The following MEGF6 variants were observed in gnomAD, a reference collection of about 807,000 sequenced individuals.
The protein encoded by MEGF6 is multiple EGF like domains 6.
MEGF6 carries 184 observed loss-of-function variants against 207.1 expected under a neutral mutation model. The ratio of observed to expected loss-of-function variants is 0.89; its 90% confidence interval spans 0.79 to 1.00. The LOEUF (loss-of-function observed/expected upper bound fraction) is 1.00. Among genes scored for constraint, MEGF6 ranks in the 50% least tolerant of loss-of-function variants. The probability of loss-of-function intolerance (pLI) is 0.00; values close to 1 mark genes in which losing one functional copy is unlikely to be tolerated. For missense variants in MEGF6, 2,282 were observed against 2,202.9 expected, an observed-to-expected ratio of 1.04 and a Z score of -0.72; for synonymous variants, 1,038 against 910.0, an observed-to-expected ratio of 1.14 and a Z score of -2.53.
chr1:3,591,679 C>T (rs1490088345), intron 3 of MEGF6, among the ~76,000 whole-genome samples: 6 of 148,812 alleles, frequency 4.0e-5, no homozygotes, highest in Admixed American at 2.0e-4. Flanking sequence ...GGGGCGCCAG[C>T]GAGGCAGCTG....
intron 26 of MEGF6, among the ~76,000 whole-genome samples, chr1:3,497,975 C>T (rs1370456815): frequency 6.6e-6 from 1 of 152,146 alleles, no homozygotes; most frequent in Non-Finnish European, 1.5e-5. Flanking sequence ...TGGACCAGGC[C>T]CTGCCGGCAC....
chr1:3,491,041 C>A, intron 35 of MEGF6, 82 bp from the exon 36 acceptor site: 1 of 1,362,444 alleles, frequency 7.3e-7, no homozygotes, highest in South Asian at 1.5e-5. Flanking sequence ...GTGACCCCAT[C>A]CAGGCCTTCA....
intron 4 of MEGF6, among the ~76,000 whole-genome samples, chr1:3,567,670 C>T (rs1643385524): frequency 6.6e-6 from 1 of 152,186 alleles, no homozygotes; most frequent in Non-Finnish European, 1.5e-5. Context: ...CCCTCGGTCC[C>T]TAGGAGCACC....
rs1263819143 is a variant in MEGF6, at chr1:3,594,627, G to T, written c.376+711C>A. ...GGACACTGACCCCTTTGCCCAGGCG[G>T]TTTCACTGGCGGGGCTTCTGTCCCC... On this transcript the variant is annotated intron_variant, in intron 3 of 36. Coordinates refer to ENST00000356575, the MANE Select transcript of MEGF6 (RefSeq NM_001409.4). The surrounding 1 kb of genome is among the most constrained non-coding windows in gnomAD (Gnocchi z 4.2). Among the ~76,000 whole-genome samples the T allele has an allele frequency of 6.6e-6, 1 of 152,096 alleles. No homozygotes were observed.
chr1:3,496,477 C>A lies in MEGF6; in HGVS notation c.3742+178G>T, dbSNP rs544709267. On this transcript the variant is annotated intron_variant, in intron 29 of 36. Transcript: ENST00000356575. Reference sequence around the variant, plus strand: ...TGGGACCTGGGGCCACATAGACACCCCCAGCGCTGCAGGTCCTTTCTGCCC... The same window carrying A: ...TGGGACCTGGGGCCACATAGACACCACCAGCGCTGCAGGTCCTTTCTGCCC... Among the ~76,000 whole-genome samples, 9 of 152,372 alleles carry A rather than the reference C, an allele frequency of 5.9e-5. No individual in the cohort carries two copies. In the South Asian group the frequency reaches 1.7e-3, roughly 28 times the overall value.
At position 3,564,478 on chromosome 1, in the gene MEGF6, C is replaced by T. The variant is rs568302408; in HGVS notation, c.481+15347G>A. On this transcript the variant is annotated intron_variant, in intron 4 of 36. Transcript: ENST00000356575. ...GTCTGGCCGGGGTGACCCTAATACT[C>T]GTGTTCCTTCCCTCACATCTACTGG... Among the ~76,000 whole-genome samples the T allele has an allele frequency of 1.6e-4, 24 of 152,132 alleles. No homozygotes were observed. The South Asian group carries it at 4.4e-3, about 28-fold the overall frequency.
At chr1:3,592,352 G>A (rs979303950) in intron 3 of MEGF6, among the ~76,000 whole-genome samples, 2 of 152,206 alleles carry the variant, frequency 1.3e-5, no homozygotes, top group South Asian at 2.1e-4. Context: ...CCTCTCTGAC[G>A]TTCCGGGCTC....
chr1:3,573,788 C>T lies in MEGF6; in HGVS notation c.481+6037G>A, dbSNP rs1427774248. Among the ~76,000 whole-genome samples, 3 of 152,190 alleles carry T rather than the reference C, an allele frequency of 2.0e-5. No individual in the cohort carries two copies. Among genetic ancestry groups the T allele is most frequent in the African/African-American group, 4.8e-5 (2 of 41,446 alleles). On this transcript the variant is annotated intron_variant, in intron 4 of 36. Transcript: ENST00000356575. The surrounding 1 kb of genome is among the most constrained non-coding windows in gnomAD (Gnocchi z 5.1). ...GGTCGCCAAGAGCAGCCCTGGGTGG[C>T]GTCTGGAGCTCGGGCGAGGGGTCAG...
intron 5 of MEGF6, among the ~76,000 whole-genome samples, chr1:3,521,683 C>T (rs950443453): frequency 6.6e-6 from 1 of 152,178 alleles, no homozygotes; most frequent in African/African-American, 2.4e-5. Flanking sequence ...CCGCTGGGCC[C>T]AGGCTGACAA....
chr1:3,563,432 C>T (rs1477629936), intron 4 of MEGF6, among the ~76,000 whole-genome samples: 1 of 152,158 alleles, frequency 6.6e-6, no homozygotes, highest in African/African-American at 2.4e-5. Context: ...GTCCCCTCGT[C>T]GTAGCTGGAG....
intron 2 of MEGF6, among the ~76,000 whole-genome samples, chr1:3,601,270 C>T (rs529072655): frequency 4.6e-5 from 7 of 152,250 alleles, no homozygotes; most frequent in African/African-American, 7.2e-5. Flanking sequence ...TCTTCCACCA[C>T]GAGCTGTTGG....
upstream of MEGF6, among the ~76,000 whole-genome samples, chr1:3,611,928 G>A (rs1428943033): frequency 2.6e-5 from 4 of 152,066 alleles, no homozygotes; most frequent in African/African-American, 9.7e-5. Flanking sequence ...CTGGGATCCC[G>A]GACCCCAGAC....
chr1:3,591,129 C>A (rs190169169), intron 3 of MEGF6, among the ~76,000 whole-genome samples: 1 of 152,202 alleles, frequency 6.6e-6, no homozygotes, highest in Non-Finnish European at 1.5e-5. Context: ...CACAAGCCCC[C>A]GACCCCACCA....
chr1:3,592,360 C>T (rs1440337388), intron 3 of MEGF6, among the ~76,000 whole-genome samples: 1 of 152,136 alleles, frequency 6.6e-6, no homozygotes, highest in African/African-American at 2.4e-5. Context: ...ACGTTCCGGG[C>T]TCCCAGGCAG....
In MEGF6 at chr1:3,556,864, C is replaced by T. The variant is rs79386324; in HGVS notation, c.481+22961G>A. On this transcript the variant is annotated intron_variant, in intron 4 of 36. Coordinates refer to ENST00000356575, the MANE Select transcript of MEGF6 (RefSeq NM_001409.4). This position sits in a 1 kb window ranked among gnomAD's most constrained non-coding sequence, Gnocchi z 4.4. ...TGCCGGGTGAGGATGGTGAGGCTGC[C>T]TCATGGTACAGGGGAGCCAGGGCTG... Among the ~76,000 whole-genome samples, 404 of 152,286 alleles carry T rather than the reference C, an allele frequency of 2.7e-3. 8 individuals carry two copies. The South Asian group carries it at 0.052, about 20-fold the overall frequency.
chr1:3,517,731 C>T (rs1641600340), intron 5 of MEGF6, among the ~76,000 whole-genome samples: 1 of 152,218 alleles, frequency 6.6e-6, no homozygotes, highest in South Asian at 2.1e-4. Context: ...GGACCAAGCT[C>T]AGACCCGGCA....
At chr1:3,558,512 C>G (rs1437256366) in intron 4 of MEGF6, among the ~76,000 whole-genome samples, 2 of 152,068 alleles carry the variant, frequency 1.3e-5, no homozygotes, top group Admixed American at 6.5e-5. Context: ...TCAACCCTAC[C>G]CCCTTCCTGC....
At chr1:3,579,997 A>T in intron 3 of MEGF6, 68 bp from the exon 4 acceptor site, 1 of 1,205,908 alleles carries the variant, frequency 8.3e-7, no homozygotes, top group Non-Finnish European at 1.1e-6. Flanking sequence ...GTGAGGCCTG[A>T]GGGTCTCTCG....
chr1:3,602,644 C>G, intron 1 of MEGF6, 44 bp from the exon 2 acceptor site: 1 of 1,567,194 alleles, frequency 6.4e-7, no homozygotes, highest in Non-Finnish European at 8.7e-7. Context: ...CCACCCCCAG[C>G]CGGCAACACC....
Sources: gnomAD v4.1 joint callset for allele counts (sites outside exome capture counted in the v4.1 genomes callset) on GRCh38, gnomAD v4.1.1 for gene constraint, Gnocchi (gnomAD v3.1) non-coding constraint, MANE v1.5 for transcripts, NCBI Gene and HGNC (gene_info 2026-07-23, HGNC 2026-07-21) for gene names.